Variants in PPHLN1 observed in about 807,000 individuals in gnomAD.
PPHLN1 encodes the protein periphilin-1.
A neutral mutation model predicts 51.3 loss-of-function variants in PPHLN1; 29 were observed. The ratio of observed to expected loss-of-function variants is 0.57; its 90% CI spans 0.42 to 0.77. The LOEUF (loss-of-function observed/expected upper bound fraction) is 0.77. PPHLN1 is among the 30% of genes least tolerant of loss of function. The pLI, the probability that PPHLN1 is intolerant of heterozygous loss-of-function variation, is 0.00. For missense variants in PPHLN1, 436 were observed against 438.4 expected (o/e 0.99, Z 0.05); for synonymous variants, 147 against 147.8 (o/e 0.99, Z 0.04).
intron 2 of PPHLN1, among the ~76,000 whole-genome samples, chr12:42,337,494 C>T (rs1191825364): frequency 6.6e-6 from 1 of 151,902 alleles, no homozygotes; most frequent in African/African-American, 2.4e-5. Flanking sequence ...TGGGGTTTCA[C>T]CATGTTGACC....
chr12:42,346,586 G>A (rs376765518), intron 2 of PPHLN1, among the ~76,000 whole-genome samples: 26 of 152,226 alleles, frequency 1.7e-4, no homozygotes, highest in African/African-American at 6.3e-4. Context: ...TGATTTCATC[G>A]CCTTTGGGTA....
intron 5 of PPHLN1, among the ~76,000 whole-genome samples, chr12:42,375,552 C>T (rs910407924): frequency 1.3e-5 from 2 of 151,972 alleles, no homozygotes; most frequent in African/African-American, 4.8e-5. Context: ...TCTCGTGATC[C>T]GCCCACCTCT....
At chr12:42,418,764 A>G (rs2080709098) in intron 9 of PPHLN1, among the ~76,000 whole-genome samples, 1 of 152,082 alleles carries the variant, frequency 6.6e-6, no homozygotes. Flanking sequence ...ACTTATCACA[A>G]TTATACATTT....
At chr12:42,382,763 A>G (rs1199028489) in intron 5 of PPHLN1, among the ~76,000 whole-genome samples, 1 of 152,246 alleles carries the variant, frequency 6.6e-6, no homozygotes, top group African/African-American at 2.4e-5. Context: ...GTAAGGGTGC[A>G]AACAGAAGTA....
chr12:42,351,085 T>C (rs1203460247), intron 2 of PPHLN1, among the ~76,000 whole-genome samples: 1 of 150,380 alleles, frequency 6.6e-6, no homozygotes. Context: ...TATATCAGGC[T>C]TTACAGTTTT....
chr12:42,350,473 T>C (rs982724285), intron 2 of PPHLN1, among the ~76,000 whole-genome samples: 2 of 140,106 alleles, frequency 1.4e-5, no homozygotes, highest in African/African-American at 5.4e-5. Flanking sequence ...CGCTCCTCAC[T>C]TCCCAGAGTG....
chr12:42,352,017 C>CA lies in PPHLN1; in HGVS notation c.206dup (p.His69GlnfsTer2). On this transcript the variant is annotated frameshift_variant, in exon 3 of 10. Transcript: ENST00000358314. LOFTEE classifies it high-confidence loss of function. ...CTATGACGAGGGCCGCAGTTTTTCT[C>CA]ATGATCGAAGAAGTGGTCCACCTCA... The CA allele has an allele frequency of 6.5e-7, 1 of 1,541,864 alleles. No individual in the cohort carries two copies. The highest frequency in any genetic ancestry group is 8.7e-7 in the Non-Finnish European group (1 of 1,150,836).
intron 9 of PPHLN1, chr12:42,399,427 T>C: frequency 5.4e-6 from 5 of 928,534 alleles, no homozygotes; most frequent in Non-Finnish European, 5.1e-6. Flanking sequence ...TTAAGTCTAG[T>C]TTTTTAGTGA....
intron 4 of PPHLN1, among the ~76,000 whole-genome samples, chr12:42,360,288 T>C (rs1244889514): frequency 6.6e-6 from 1 of 151,460 alleles, no homozygotes; most frequent in African/African-American, 2.4e-5. Context: ...CTCCTTAGTC[T>C]TCCCTTGATT....
At chr12:42,363,108 A>C (rs1386784997) in intron 4 of PPHLN1, among the ~76,000 whole-genome samples, 1 of 152,114 alleles carries the variant, frequency 6.6e-6, no homozygotes, top group Non-Finnish European at 1.5e-5. Flanking sequence ...TTGCTATGCT[A>C]TGAGTGATAA....
intron 5 of PPHLN1, among the ~76,000 whole-genome samples, chr12:42,383,631 TTAG>T (rs2138979163): frequency 6.6e-6 from 1 of 151,950 alleles, no homozygotes; most frequent in South Asian, 2.1e-4. Context: ...AAGAATAAAG[TTAG>T]TAGTGCATGA....
At chr12:42,356,167 C>T (rs2074028076) in intron 4 of PPHLN1, among the ~76,000 whole-genome samples, 1 of 152,108 alleles carries the variant, frequency 6.6e-6, no homozygotes, top group Non-Finnish European at 1.5e-5. Context: ...GAAAATAACC[C>T]CAGTCTCATA....
At chr12:42,357,018 T>C (rs968061278) in intron 4 of PPHLN1, among the ~76,000 whole-genome samples, 1 of 152,184 alleles carries the variant, frequency 6.6e-6, no homozygotes, top group African/African-American at 2.4e-5. Flanking sequence ...AAAATTTGTT[T>C]TCAAAATACT....
intron 4 of PPHLN1, chr12:42,355,537 T>G (rs12228205): frequency 0.6 from 114,934 of 190,130 alleles, 35,379 homozygotes; most frequent in Admixed American, 0.7. Flanking sequence ...AGGAGTTTGA[T>G]ACCAGCCTGG....
At chr12:42,400,315 A>C (rs947592498) in intron 9 of PPHLN1, 8 of 151,446 alleles carry the variant, frequency 5.3e-5, no homozygotes, top group African/African-American at 1.9e-4. Context: ...AAAAATACAA[A>C]AAATTAGCCG....
chr12:42,430,457 G>A (rs1461242707), intron 9 of PPHLN1, among the ~76,000 whole-genome samples: 1 of 152,018 alleles, frequency 6.6e-6, no homozygotes, highest in Non-Finnish European at 1.5e-5. Flanking sequence ...CACATATTTT[G>A]TATGCTATAC....
At chr12:42,365,484 A>G (rs1421128675) in intron 4 of PPHLN1, among the ~76,000 whole-genome samples, 1 of 152,072 alleles carries the variant, frequency 6.6e-6, no homozygotes, top group Admixed American at 6.6e-5. Context: ...ATGTCTGCTG[A>G]CACTGAGGGT....
chr12:42,439,587 T>C (rs1299288379), intron 9 of PPHLN1, among the ~76,000 whole-genome samples: 1 of 152,238 alleles, frequency 6.6e-6, no homozygotes. Flanking sequence ...CGATCTCGGC[T>C]CACTGCGACG....
At chr12:42,389,109 A>C (rs2077448161) in intron 7 of PPHLN1, among the ~76,000 whole-genome samples, 1 of 151,920 alleles carries the variant, frequency 6.6e-6, no homozygotes, top group Non-Finnish European at 1.5e-5. Context: ...GTGGTGGCTC[A>C]TGTCCGTAAT....
Sources: allele counts gnomAD v4.1 joint callset (sites outside exome capture counted in the v4.1 genomes callset), GRCh38; gene constraint gnomAD v4.1.1; transcripts MANE v1.5; gene names NCBI Gene and HGNC (gene_info 2026-07-23, HGNC 2026-07-21).